IL7: variants seen among roughly 807,000 people sequenced by gnomAD.
IL7 encodes interleukin 7, also known as interleukin-7.
Under a neutral mutation model 21.6 loss-of-function variants are expected in IL7, and 3 were observed. That is an observed-to-expected ratio of 0.14 (90% CI 0.06 to 0.36). IL7 has a LOEUF of 0.36. Among genes scored for constraint, IL7 ranks in the 10% least tolerant of loss-of-function variants. IL7 has a pLI of 1.00. For missense variants in IL7, 175 were observed against 200.2 expected, an observed-to-expected ratio of 0.87 and a Z score of 0.76; for synonymous variants, 62 against 68.1, an observed-to-expected ratio of 0.91 and a Z score of 0.44.
chr8:78,697,682 CTTTTTTTT>C (rs370060109), intron 3 of IL7, among the ~76,000 whole-genome samples: 2 of 139,674 alleles, frequency 1.4e-5, no homozygotes, highest in Admixed American at 1.4e-4. Context: ...TACTTTTAAC[CTTTTTTTT>C]TTTTTTTTGA....
At chr8:78,797,889 T>C (rs28464343) in intron 2 of IL7, 183 bp downstream of exon 2, 13 of 454,580 alleles carry the variant, frequency 2.9e-5, no homozygotes, top group African/African-American at 2.6e-4. Flanking sequence ...GAAAGAATTA[T>C]TTTTAAGCTA....
chr8:78,682,049 T>G (rs1156583814), intron 4 of IL7, among the ~76,000 whole-genome samples: 2 of 152,142 alleles, frequency 1.3e-5, no homozygotes, highest in Non-Finnish European at 2.9e-5. Flanking sequence ...AGCCATCTTT[T>G]AAAGTACCAT....
intron 2 of IL7, among the ~76,000 whole-genome samples, chr8:78,751,364 T>TA (rs1196942906): frequency 6.6e-6 from 1 of 151,968 alleles, no homozygotes; most frequent in Admixed American, 6.6e-5. Flanking sequence ...ATGTTAAGAG[T>TA]AAAAAACCAG....
At chr8:78,677,370 A>T (rs1252368298) in intron 4 of IL7, among the ~76,000 whole-genome samples, 3 of 152,208 alleles carry the variant, frequency 2.0e-5, no homozygotes, top group African/African-American at 7.2e-5. Flanking sequence ...AAAAAATCTG[A>T]ATAGTAGTAG....
At chr8:78,712,022 C>T (rs563965387) in intron 3 of IL7, 9 of 1,289,568 alleles carry the variant, frequency 7.0e-6, no homozygotes, top group East Asian at 5.6e-5. Context: ...CCACTTCGAA[C>T]GGGAAGACTT....
At chr8:78,692,729 T>G (rs1476847199) in intron 3 of IL7, among the ~76,000 whole-genome samples, 1 of 151,856 alleles carries the variant, frequency 6.6e-6, no homozygotes, top group East Asian at 1.9e-4. Context: ...TTCTAATTTG[T>G]TTTTTTTATT....
chr8:78,740,856 TA>T (rs1811755633), intron 2 of IL7, among the ~76,000 whole-genome samples: 1 of 152,142 alleles, frequency 6.6e-6, no homozygotes, highest in South Asian at 2.1e-4. Context: ...AGCAGACTGA[TA>T]TGTGCGCTAT....
At chr8:78,738,682 A>G (rs1434284747) in intron 3 of IL7, 47 bp from the exon 4 acceptor site, 4 of 1,567,074 alleles carry the variant, frequency 2.6e-6, no homozygotes, top group Non-Finnish European at 3.5e-6. Flanking sequence ...ATAAAATATT[A>G]AGAAATTATA....
At chr8:78,679,707 C>T (rs1809703868) in intron 4 of IL7, among the ~76,000 whole-genome samples, 1 of 152,044 alleles carries the variant, frequency 6.6e-6, no homozygotes, top group African/African-American at 2.4e-5. Flanking sequence ...AAACAGAATC[C>T]TACTGTTAAT....
intron 3 of IL7, among the ~76,000 whole-genome samples, chr8:78,686,805 A>G (rs984860093): frequency 1.3e-5 from 2 of 152,142 alleles, no homozygotes; most frequent in Non-Finnish European, 1.5e-5. Flanking sequence ...ATGGAAGTGT[A>G]TTATGTTTTT....
At chr8:78,680,558 T>C (rs1348302671) in intron 4 of IL7, among the ~76,000 whole-genome samples, 2 of 152,200 alleles carry the variant, frequency 1.3e-5, no homozygotes, top group Non-Finnish European at 2.9e-5. Flanking sequence ...GTTCTTAATA[T>C]ATTTACCTGT....
intron 3 of IL7, among the ~76,000 whole-genome samples, chr8:78,726,607 G>A (rs1811344446): frequency 6.6e-6 from 1 of 151,974 alleles, no homozygotes; most frequent in African/African-American, 2.4e-5. Flanking sequence ...CCTCCCTAAA[G>A]TGGTCACAGG....
chr8:78,684,992 A>C lies in IL7; in HGVS notation n.273+897T>G, dbSNP rs187293793. On this transcript the variant is annotated intron_variant and non_coding_transcript_variant, in intron 4 of 4. Transcript: ENST00000523959. ...TAGACAAGTTGATTCAAAAGTTTAC[A>C]TCAAAAAATTTATATACATGAACTA... 1.9e-4 allele frequency among the ~76,000 whole-genome samples: 29 copies of C among 152,294 alleles called. No individual in the cohort carries two copies. The South Asian group carries it at 4.1e-3, about 22-fold the overall frequency.
downstream of IL7, among the ~76,000 whole-genome samples, chr8:78,716,837 A>G (rs995460937): frequency 6.6e-6 from 1 of 152,074 alleles, no homozygotes; most frequent in African/African-American, 2.4e-5. Flanking sequence ...TGTTCTTGTG[A>G]TAGTGAGTTC....
At chr8:78,804,860 T>G in intron 1 of IL7, 53 bp downstream of exon 1, 1 of 1,609,630 alleles carries the variant, frequency 6.2e-7, no homozygotes, top group Non-Finnish European at 8.5e-7. Context: ...CGTCTGGGAT[T>G]GCCCCGGCGC....
At chr8:78,732,359 G>A (rs1811441937), downstream of IL7, among the ~76,000 whole-genome samples, 1 of 152,050 alleles carries the variant, frequency 6.6e-6, no homozygotes, top group Non-Finnish European at 1.5e-5. Flanking sequence ...ATGGGTCAAG[G>A]AAAGTGAGAG....
At chr8:78,714,858 G>A (rs1204071176), downstream of IL7, among the ~76,000 whole-genome samples, 2 of 151,998 alleles carry the variant, frequency 1.3e-5, no homozygotes, top group Non-Finnish European at 2.9e-5. Flanking sequence ...AAACTTGTTT[G>A]TTTATTTAAC....
intron 3 of IL7, among the ~76,000 whole-genome samples, chr8:78,739,691 C>CAA (rs1218578846): frequency 3.1e-5 from 3 of 97,196 alleles, no homozygotes; most frequent in African/African-American, 7.8e-5. Context: ...ACTCTGCCTC[C>CAA]AAAAAAAAAA....
intron 4 of IL7, chr8:78,678,672 A>G: frequency 1.2e-6 from 2 of 1,604,648 alleles, no homozygotes; most frequent in Non-Finnish European, 1.7e-6. Flanking sequence ...AAACCTCTCA[A>G]ACCGAGGGTA....
Sources: gnomAD v4.1 joint callset for allele counts (sites outside exome capture counted in the v4.1 genomes callset) on GRCh38, gnomAD v4.1.1 for gene constraint, MANE v1.5 for transcripts, NCBI Gene and HGNC (gene_info 2026-07-23, HGNC 2026-07-21) for gene names.